The following AGAP3 variants were observed in gnomAD, a reference collection of about 807,000 sequenced individuals.
AGAP3 encodes arf-GAP with GTPase, ANK repeat and PH domain-containing protein 3.
AGAP3 carries 24 observed loss-of-function variants against 96.9 expected under a neutral mutation model. The ratio of observed to expected loss-of-function variants is 0.25; its 90% CI spans 0.18 to 0.35. The LOEUF (loss-of-function observed/expected upper bound fraction) is 0.35, where lower values mean the gene tolerates loss of function less well. Among genes scored for constraint, AGAP3 ranks in the 10% least tolerant of loss-of-function variants. The pLI is 1.00. For missense variants in AGAP3, 876 were observed against 1,254.2 expected (o/e 0.70, Z 4.55); for synonymous variants, 563 against 536.1 (o/e 1.05, Z -0.69).
chr7:151,135,514 A>G (rs2150524137), intron 11 of AGAP3, among the ~76,000 whole-genome samples: 1 of 152,390 alleles, frequency 6.6e-6, no homozygotes, highest in East Asian at 1.9e-4. Context: ...ACCCCAAACA[A>G]TAAAGAATTG....
intron 1 of AGAP3, among the ~76,000 whole-genome samples, chr7:151,109,182 A>C (rs1366961380): frequency 1.4e-5 from 2 of 144,012 alleles, no homozygotes; most frequent in Non-Finnish European, 3.0e-5. Context: ...AAAAAAAAAC[A>C]AAAAACAAAA....
At chr7:151,109,527 C>T (rs890351130) in intron 1 of AGAP3, among the ~76,000 whole-genome samples, 4 of 152,168 alleles carry the variant, frequency 2.6e-5, no homozygotes, top group East Asian at 1.9e-4. Flanking sequence ...TGGTGTCTGT[C>T]GACATGCCCA....
intron 1 of AGAP3, among the ~76,000 whole-genome samples, chr7:151,092,649 C>G (rs1798444999): frequency 6.6e-6 from 1 of 152,190 alleles, no homozygotes; most frequent in South Asian, 2.1e-4. Context: ...TTTATTTTCC[C>G]AGAGGAGGGT....
At chr7:151,093,339 C>G (rs1798473564) in intron 1 of AGAP3, among the ~76,000 whole-genome samples, 1 of 152,128 alleles carries the variant, frequency 6.6e-6, no homozygotes, top group Non-Finnish European at 1.5e-5. Flanking sequence ...TGGGGTCTTG[C>G]TATGTTGTTT....
At position 151,114,790 on chromosome 7, in the gene AGAP3, A is replaced by AG; in HGVS notation, c.332-1998dup. ...CTGAGCATGGAGCGGGGCTGGCCGC[A>AG]GGGGGACAGCTGTCCCGGGGAGCGG... On this transcript the variant is annotated intron_variant, in intron 1 of 17. Coordinates refer to ENST00000397238, the MANE Select transcript of AGAP3 (RefSeq NM_031946.7). This position sits in a 1 kb window ranked among gnomAD's most constrained non-coding sequence, Gnocchi z 4.4. 9.7e-7 allele frequency: 1 copy of AG among 1,034,858 alleles called. No homozygotes were observed. Among genetic ancestry groups the AG allele is most frequent in the Non-Finnish European group, 1.2e-6 (1 of 864,526 alleles). The allele number at this position is 1,034,858 out of a possible 1,614,324, so 64.1% of individuals were successfully genotyped here. A position where few individuals can be genotyped will look rare whatever the true frequency, so the allele number is the denominator to read the frequency against.
At chr7:151,130,246 G>A (rs529157767) in intron 10 of AGAP3, among the ~76,000 whole-genome samples, 209 of 152,296 alleles carry the variant, frequency 1.4e-3, no homozygotes, top group African/African-American at 4.7e-3. Context: ...TGGAGGCAGC[G>A]AGGATGAAGA....
Position 151,118,497 on chromosome 7 carries a change from C to T in AGAP3, c.842-8C>T. 1 of 1,614,124 alleles carries T rather than the reference C, an allele frequency of 6.2e-7. No homozygotes were observed. Among genetic ancestry groups the T allele is most frequent in the Non-Finnish European group, 8.5e-7 (1 of 1,180,006 alleles). On this transcript the variant is annotated splice_polypyrimidine_tract_variant and splice_region_variant and intron_variant, in intron 6 of 17. Transcript: ENST00000397238. This position sits in a 1 kb window ranked among gnomAD's most constrained non-coding sequence, Gnocchi z 6.1. ...AGTGGGTATAATTGACTCTGCTGTCCCCTGCAGTGGCCCAGAAGGTAGTGG... is the reference window on the plus strand; with the variant it reads ...AGTGGGTATAATTGACTCTGCTGTCTCCTGCAGTGGCCCAGAAGGTAGTGG...
chr7:151,102,469 T>G (rs1366272360), intron 1 of AGAP3, among the ~76,000 whole-genome samples: 1 of 151,930 alleles, frequency 6.6e-6, no homozygotes, highest in African/African-American at 2.4e-5. Flanking sequence ...ATCTGCTATC[T>G]CAGAAAGAAT....
intron 11 of AGAP3, chr7:151,137,726 T>C: frequency 5.2e-6 from 1 of 191,596 alleles, no homozygotes; most frequent in Non-Finnish European, 1.1e-5. Flanking sequence ...TTATTTCTCG[T>C]CAGAATGGCA....
rs764875060 is a variant in AGAP3 at position 151,141,849 on chromosome 7, G to A, written c.1805-49G>A. On this transcript the variant is annotated intron_variant, in intron 13 of 17. Transcript: ENST00000397238. The surrounding 1 kb of genome is among the most constrained non-coding windows in gnomAD (Gnocchi z 4.2). The stretch of plus-strand genomic sequence containing the variant: ...GAGTTGTGGCGATAGCATGCCCTGG[G>A]TGTGCACGCAGGCCAGGAGCCCTGA... 7 of 1,611,834 alleles carry A rather than the reference G, an allele frequency of 4.3e-6. No individual in the cohort carries two copies. In the African/African-American group the frequency reaches 9.4e-5, roughly 22 times the overall value.
At chr7:151,091,765 C>A (rs2150405443) in intron 1 of AGAP3, among the ~76,000 whole-genome samples, 1 of 152,362 alleles carries the variant, frequency 6.6e-6, no homozygotes, top group African/African-American at 2.4e-5. Flanking sequence ...TCCAGGGTCT[C>A]AGCTCTGGCT....
chr7:151,125,856 C>T (rs1289810889), intron 9 of AGAP3, among the ~76,000 whole-genome samples: 3 of 152,230 alleles, frequency 2.0e-5, no homozygotes. Flanking sequence ...GAGGCGGCGG[C>T]GGGAACGGGT....
At chr7:151,099,828 T>C (rs1299759181) in intron 1 of AGAP3, among the ~76,000 whole-genome samples, 1 of 152,246 alleles carries the variant, frequency 6.6e-6, no homozygotes, top group African/African-American at 2.4e-5. Flanking sequence ...TTTGTTTGTT[T>C]GTTTGTGTTT....
rs780394877 is a variant in AGAP3, at chr7:151,143,933, G to A, written c.2726G>A (p.Ser909Asn). The A allele has an allele frequency of 1.6e-5, 26 of 1,613,858 alleles. No individual in the cohort carries two copies. The East Asian group carries it at 5.6e-4, about 35-fold the overall frequency. Residue 909 changes from serine (S) to asparagine (N), a missense_variant, in exon 18 of 18, where the codon AGC becomes AAC. This residue lies in a region of AGAP3 where 213 missense variants were observed against 253.8 expected (regional missense o/e 0.84). Transcript: ENST00000397238. This position sits in a 1 kb window ranked among gnomAD's most constrained non-coding sequence, Gnocchi z 5.9. ...TCTGCTGAGCTGCACCGTAGTCCTA[G>A]CCTCCTATAAGGCCCAGGAAGAGGG... Reference protein sequence around the residue: ...NPSAELHRSPSLL With the variant: ...NPSAELHRSPNLL
In AGAP3 at chr7:151,118,282, G is replaced by A; in HGVS notation, c.779G>A (p.Arg260Gln). The A allele has an allele frequency of 6.2e-7, 1 of 1,613,768 alleles. No individual in the cohort carries two copies. The highest frequency in any genetic ancestry group is 8.5e-7 in the Non-Finnish European group (1 of 1,179,698). ...RARKLSTDLK[R>Q]CTYYETCATY... is the part of the protein sequence containing the mutation. The stretch of plus-strand genomic sequence containing the variant: ...CGCAAGCTCTCCACAGATCTGAAGC[G>A]GTGCACCTACTATGAGACGTGCGCG... The change falls in exon 6 of 18, where the codon CGG (arginine) becomes CAG (glutamine). Residue 260 changes from arginine to glutamine, a missense_variant. Coordinates refer to ENST00000397238, the MANE Select transcript of AGAP3 (RefSeq NM_031946.7). This position sits in a 1 kb window ranked among gnomAD's most constrained non-coding sequence, Gnocchi z 6.1.
At position 151,120,123 on chromosome 7, in the gene AGAP3, A is replaced by G. The variant is rs1339705102; in HGVS notation, c.1106A>G (p.Lys369Arg). Residue 369 changes from lysine to arginine, a missense_variant, in exon 8 of 18, where the codon AAG becomes AGG. By Grantham distance (26) the Lys-to-Arg change is conservative. This residue lies in a region of AGAP3 where 100 missense variants were observed against 129.4 expected (regional missense o/e 0.77). Coordinates refer to ENST00000397238, the MANE Select transcript of AGAP3 (RefSeq NM_031946.7). ...STPTPIRKQSKRRSNIFTSRK... is the reference protein window; with the variant it reads ...STPTPIRKQSRRRSNIFTSRK... Reference sequence around the variant, plus strand: ...CCCACACCCATCCGAAAGCAGTCCAAGCGGCGCTCCAACATCTTCACGGTA... The same window carrying G: ...CCCACACCCATCCGAAAGCAGTCCAGGCGGCGCTCCAACATCTTCACGGTA... 1.2e-6 allele frequency: 2 copies of G among 1,612,210 alleles called. No homozygotes were observed. The highest frequency in any genetic ancestry group is 2.2e-5 in the East Asian group (1 of 44,788).
intron 9 of AGAP3, among the ~76,000 whole-genome samples, chr7:151,125,980 C>T (rs1800144679): frequency 7.1e-6 from 1 of 140,134 alleles, no homozygotes; most frequent in Non-Finnish European, 1.5e-5. Flanking sequence ...ACCCCTGTAG[C>T]TTCTTTGGAG....
rs1288708384 is a variant in AGAP3, at chr7:151,143,771, G to A, written c.2564G>A (p.Gly855Asp). The A allele has an allele frequency of 2.5e-6, 4 of 1,614,130 alleles. No homozygotes were observed. Among genetic ancestry groups the A allele is most frequent in the Non-Finnish European group, 3.4e-6 (4 of 1,180,040 alleles). ...GVDVRSRDAR[G>D]LTPLAYARRA... ...GACGTGAGGAGCCGGGACGCCCGGG[G>A]CCTGACTCCACTGGCATATGCTCGC... Residue 855 changes from glycine (G) to aspartate (D), a missense_variant, in exon 18 of 18, where the codon GGC (glycine) becomes GAC (aspartate). Physicochemically the swap from Gly to Asp is moderately conservative, Grantham distance 94. Around this residue, in one of 8 missense-constraint regions of AGAP3, gnomAD observed 213 missense variants for 253.8 expected, o/e 0.84. Transcript: ENST00000397238. This position sits in a 1 kb window ranked among gnomAD's most constrained non-coding sequence, Gnocchi z 5.9.
intron 1 of AGAP3, among the ~76,000 whole-genome samples, chr7:151,104,833 G>A (rs1376695585): frequency 2.0e-5 from 3 of 152,180 alleles, no homozygotes; most frequent in African/African-American, 4.8e-5. Context: ...AGGAAGTGAC[G>A]TGACTGTCCC....
Sources: allele counts gnomAD v4.1 joint callset (sites outside exome capture counted in the v4.1 genomes callset), GRCh38; gene constraint gnomAD v4.1.1; regional missense constraint gnomAD v4.1.1; non-coding constraint Gnocchi (gnomAD v3.1); transcripts MANE v1.5; gene names NCBI Gene and HGNC (gene_info 2026-07-23, HGNC 2026-07-21).